TAFA4: variants seen among roughly 807,000 people sequenced by gnomAD.
TAFA4 encodes chemokine-like protein TAFA-4.
Under a neutral mutation model 21.1 loss-of-function variants are expected in TAFA4, and 20 were observed. The ratio of observed to expected loss-of-function variants is 0.95; its 90% CI spans 0.67 to 1.38. TAFA4 has a LOEUF of 1.38. Among genes scored for constraint, TAFA4 ranks in the 40% most tolerant of loss-of-function variants. TAFA4 has a pLI of 0.00. For synonymous variants in TAFA4, 71 were observed against 67.4 expected (o/e 1.05, Z -0.26); for missense variants, 211 against 180.9 (o/e 1.17, Z -0.95).
At chr3:68,790,023 A>G (rs1257089187) in intron 3 of TAFA4, among the ~76,000 whole-genome samples, 1 of 152,266 alleles carries the variant, frequency 6.6e-6, no homozygotes, top group Non-Finnish European at 1.5e-5. Context: ...ATATCTGGGT[A>G]AATATAGTCT....
intron 1 of TAFA4, among the ~76,000 whole-genome samples, chr3:68,921,684 G>A (rs944307061): frequency 2.0e-5 from 3 of 152,104 alleles, no homozygotes; most frequent in East Asian, 1.9e-4. Flanking sequence ...AACATCTGCC[G>A]AGTCTTAACT....
At chr3:68,763,891 C>CACACACACACACACACACAA (rs1702802321) in intron 3 of TAFA4, among the ~76,000 whole-genome samples, 1 of 151,992 alleles carries the variant, frequency 6.6e-6, no homozygotes, top group African/African-American at 2.4e-5. Context: ...CACACACACA[C>CACACACACACACACACACAA]ACATAAGTAT....
At chr3:68,855,628 A>G (rs78281648) in intron 3 of TAFA4, among the ~76,000 whole-genome samples, 3,926 of 152,204 alleles carry the variant, frequency 0.026, 159 homozygotes, top group African/African-American at 0.09. Context: ...TTGTAGAACA[A>G]TATCTAGAGT....
intron 3 of TAFA4, among the ~76,000 whole-genome samples, chr3:68,863,054 G>A (rs1294069201): frequency 7.4e-6 from 1 of 134,396 alleles, no homozygotes; most frequent in Non-Finnish European, 1.6e-5. Flanking sequence ...GGGAACATAG[G>A]AAAACCCCAT....
chr3:68,818,357 A>G (rs936258432), intron 3 of TAFA4, among the ~76,000 whole-genome samples: 3 of 152,202 alleles, frequency 2.0e-5, no homozygotes, highest in East Asian at 1.9e-4. Flanking sequence ...AACTTTCTCC[A>G]TATCTTCAAT....
chr3:68,768,372 C>A (rs1702894477), intron 3 of TAFA4, among the ~76,000 whole-genome samples: 1 of 152,180 alleles, frequency 6.6e-6, no homozygotes, highest in South Asian at 2.1e-4. Context: ...CATCACTGAT[C>A]ATCAGGGAAA....
chr3:68,815,066 G>C (rs1703938269), intron 3 of TAFA4, among the ~76,000 whole-genome samples: 5 of 152,158 alleles, frequency 3.3e-5, no homozygotes, highest in Admixed American at 3.3e-4. Context: ...AATGGGGAAA[G>C]GATTCTCTAT....
rs1703144132 is a variant in TAFA4 at position 68,781,023 on chromosome 3, C to CAATA, written c.131-28009_131-28006dup. ...AAAATCCAAACTATTGAAAAGTAAA[C>CAATA]AATACATTCCTAAATAATTCATGGC... is the stretch of plus-strand genomic sequence containing the variant. On this transcript the variant is annotated intron_variant, in intron 3 of 5. Transcript: ENST00000295569. 2.0e-5 allele frequency among the ~76,000 whole-genome samples: 3 copies of CAATA among 151,510 alleles called. No individual in the cohort carries two copies. In the South Asian group the frequency reaches 6.2e-4, roughly 31 times the overall value.
chr3:68,873,424 A>G (rs1050748753), intron 3 of TAFA4, among the ~76,000 whole-genome samples: 2 of 150,838 alleles, frequency 1.3e-5, no homozygotes, highest in African/African-American at 4.9e-5. Flanking sequence ...AATGTTTCCA[A>G]TTTCTAGATG....
At chr3:68,886,975 A>G (rs1038513189) in intron 1 of TAFA4, among the ~76,000 whole-genome samples, 1 of 152,190 alleles carries the variant, frequency 6.6e-6, no homozygotes, top group South Asian at 2.1e-4. Context: ...TACAAAATAT[A>G]TTCATTCCAT....
At chr3:68,809,597 G>T (rs1382075465) in intron 3 of TAFA4, among the ~76,000 whole-genome samples, 10 of 123,906 alleles carry the variant, frequency 8.1e-5, no homozygotes, top group Admixed American at 6.3e-4. Flanking sequence ...TTCTTTTGTT[G>T]CCAGTGCTCT....
chr3:68,828,978 C>T (rs765905148), intron 3 of TAFA4, among the ~76,000 whole-genome samples: 13 of 152,090 alleles, frequency 8.5e-5, no homozygotes, highest in Non-Finnish European at 1.9e-4. Flanking sequence ...GAATGCAATC[C>T]ATTTTGCCCA....
intron 3 of TAFA4, among the ~76,000 whole-genome samples, chr3:68,833,518 T>C (rs1704451076): frequency 6.6e-6 from 1 of 152,160 alleles, no homozygotes; most frequent in Admixed American, 6.5e-5. Context: ...ATAAAGATTA[T>C]TTTGACTACC....
At chr3:68,857,984 T>A (rs1009227406) in intron 3 of TAFA4, among the ~76,000 whole-genome samples, 7 of 152,128 alleles carry the variant, frequency 4.6e-5, no homozygotes, top group African/African-American at 1.7e-4. Context: ...AAATCTGATT[T>A]CTGGTTCTCC....
chr3:68,793,706 G>A (rs1485592653), intron 3 of TAFA4, among the ~76,000 whole-genome samples: 2 of 152,186 alleles, frequency 1.3e-5, no homozygotes, highest in African/African-American at 2.4e-5. Context: ...CATTTTTATT[G>A]CTGTGCTTGA....
At chr3:68,781,054 G>A (rs573109334) in intron 3 of TAFA4, among the ~76,000 whole-genome samples, 161 of 151,978 alleles carry the variant, frequency 1.1e-3, no homozygotes, top group Non-Finnish European at 1.9e-3. Flanking sequence ...ATGGCTCAAA[G>A]GAGAAATCAT....
intron 1 of TAFA4, among the ~76,000 whole-genome samples, chr3:68,931,636 G>A (rs935867184): frequency 6.6e-6 from 1 of 152,158 alleles, no homozygotes; most frequent in African/African-American, 2.4e-5. Flanking sequence ...TGCCTCCCGC[G>A]GAAAGAGACG....
At chr3:68,733,222 A>G (rs1315430415) in intron 5 of TAFA4, 69 bp from the exon 6 acceptor site, 5 of 1,576,192 alleles carry the variant, frequency 3.2e-6, no homozygotes, top group Non-Finnish European at 4.3e-6. Context: ...CCTGCCCCCG[A>G]GACCAATAAG....
At chr3:68,735,448 C>T (rs1034182611) in intron 5 of TAFA4, among the ~76,000 whole-genome samples, 12 of 152,084 alleles carry the variant, frequency 7.9e-5, no homozygotes, top group Admixed American at 7.2e-4. Context: ...CCTCATACTG[C>T]CTGTTGATCA....
Sources: gnomAD v4.1 joint callset for allele counts (sites outside exome capture counted in the v4.1 genomes callset) on GRCh38, gnomAD v4.1.1 for gene constraint, MANE v1.5 for transcripts, NCBI Gene and HGNC (gene_info 2026-07-23, HGNC 2026-07-21) for gene names.